The following MYO1D variants were observed in gnomAD, a reference collection of about 807,000 sequenced individuals.
MYO1D encodes unconventional myosin-Id.
A neutral mutation model predicts 122.0 loss-of-function variants in MYO1D; 83 were observed. The observed-to-expected ratio is 0.68, with a 90% CI of 0.57 to 0.82. The LOEUF is 0.82. Ranked by LOEUF, MYO1D falls within the 40% of genes least tolerant of loss-of-function variation. The pLI, the probability that MYO1D is intolerant of heterozygous loss-of-function variation, is 0.00. For missense variants in MYO1D, 1,157 were observed against 1,269.5 expected (o/e 0.91, Z 1.35); for synonymous variants, 464 against 446.9 (o/e 1.04, Z -0.48).
At chr17:32,734,968 A>T (rs937975164) in intron 14 of MYO1D, 2 of 151,768 alleles carry the variant, frequency 1.3e-5, no homozygotes, top group Non-Finnish European at 2.9e-5. Context: ...AATCCCAGCT[A>T]CTCAGGAGGC....
intron 1 of MYO1D, among the ~76,000 whole-genome samples, chr17:32,793,653 A>G (rs2090381841): frequency 6.6e-6 from 1 of 152,200 alleles, no homozygotes; most frequent in Non-Finnish European, 1.5e-5. Context: ...AACTTGGAAG[A>G]CAGCACTTAA....
intron 16 of MYO1D, among the ~76,000 whole-genome samples, chr17:32,663,058 T>C (rs868235723): frequency 6.6e-6 from 1 of 151,654 alleles, no homozygotes; most frequent in African/African-American, 2.4e-5. Context: ...GCTGGGACTA[T>C]AGGCACCTGC....
At chr17:32,688,920 AG>A (rs998687510) in intron 16 of MYO1D, among the ~76,000 whole-genome samples, 1 of 146,456 alleles carries the variant, frequency 6.8e-6, no homozygotes, top group Non-Finnish European at 1.5e-5. Context: ...TGATTTTTGA[AG>A]TGTGTGTGTG....
intron 21 of MYO1D, among the ~76,000 whole-genome samples, chr17:32,602,065 C>T (rs1179035252): frequency 6.6e-6 from 1 of 152,140 alleles, no homozygotes; most frequent in Non-Finnish European, 1.5e-5. Context: ...CATGCTTTGT[C>T]TTGTTTTGTT....
At chr17:32,860,470 G>A (rs189423255) in intron 1 of MYO1D, among the ~76,000 whole-genome samples, 1 of 152,098 alleles carries the variant, frequency 6.6e-6, no homozygotes, top group Non-Finnish European at 1.5e-5. Context: ...ACATAACATA[G>A]ACTACTAAGA....
At chr17:32,818,610 G>A (rs1042248106) in intron 1 of MYO1D, among the ~76,000 whole-genome samples, 6 of 152,238 alleles carry the variant, frequency 3.9e-5, no homozygotes. Context: ...CTAAGTTTTA[G>A]AGTCCAGTGA....
At chr17:32,562,360 C>CACAATTTCATATCATTATTTAGAT (rs2087133668) in intron 21 of MYO1D, among the ~76,000 whole-genome samples, 1 of 151,936 alleles carries the variant, frequency 6.6e-6, no homozygotes, top group African/African-American at 2.4e-5. Flanking sequence ...TATTTCATTT[C>CACAATTTCATATCATTATTTAGAT]ATTCTTTAAT....
At chr17:32,552,934 G>A (rs1470984770) in intron 21 of MYO1D, among the ~76,000 whole-genome samples, 1 of 152,008 alleles carries the variant, frequency 6.6e-6, no homozygotes, top group Non-Finnish European at 1.5e-5. Flanking sequence ...CCAAAACACA[G>A]GCCTTTAAAG....
intron 21 of MYO1D, among the ~76,000 whole-genome samples, chr17:32,513,832 T>A (rs1909785800): frequency 6.6e-6 from 1 of 151,120 alleles, no homozygotes; most frequent in African/African-American, 2.4e-5. Context: ...TTTCTTTCTT[T>A]CTTTTTTTTT....
intron 20 of MYO1D, among the ~76,000 whole-genome samples, chr17:32,607,074 C>T (rs990311202): frequency 6.6e-6 from 1 of 152,122 alleles, no homozygotes; most frequent in East Asian, 1.9e-4. Flanking sequence ...GCAGGAGAAT[C>T]GTGTGAACCC....
chr17:32,707,097 G>A (rs928544181), intron 16 of MYO1D, among the ~76,000 whole-genome samples: 2 of 151,992 alleles, frequency 1.3e-5, no homozygotes, highest in African/African-American at 2.4e-5. Flanking sequence ...AAGAGTTTAC[G>A]ATTAACAGAG....
intron 7 of MYO1D, among the ~76,000 whole-genome samples, chr17:32,765,632 G>C (rs138623338): frequency 6.6e-6 from 1 of 151,842 alleles, no homozygotes; most frequent in African/African-American, 2.4e-5. Context: ...CTAATTTTTT[G>C]TATTTTTAGT....
chr17:32,760,461 T>G (rs767696288), intron 9 of MYO1D, 21 bp downstream of exon 9: 1 of 1,608,986 alleles, frequency 6.2e-7, no homozygotes, highest in African/African-American at 1.3e-5. Flanking sequence ...AACAAGGTTT[T>G]AAGTATCTTT....
intron 16 of MYO1D, among the ~76,000 whole-genome samples, chr17:32,708,051 T>C (rs1336832097): frequency 1.3e-5 from 2 of 152,216 alleles, no homozygotes; most frequent in Non-Finnish European, 2.9e-5. Flanking sequence ...TAAATTCTAC[T>C]CATCAGTACA....
At chr17:32,569,349 GT>G (rs1257047838) in intron 21 of MYO1D, among the ~76,000 whole-genome samples, 2 of 152,234 alleles carry the variant, frequency 1.3e-5, no homozygotes, top group African/African-American at 4.8e-5. Flanking sequence ...TCGAGGAAGT[GT>G]TTGCAGGTGC....
At chr17:32,521,865 T>C (rs1910150908) in intron 21 of MYO1D, among the ~76,000 whole-genome samples, 1 of 151,970 alleles carries the variant, frequency 6.6e-6, no homozygotes. Context: ...GGGGGAATCA[T>C]GAAGTCAGAA....
chr17:32,638,623 A>G, intron 20 of MYO1D, 99 bp downstream of exon 20: 2 of 702,060 alleles, frequency 2.8e-6, no homozygotes, highest in Non-Finnish European at 4.7e-6. Flanking sequence ...TGGGCATCCT[A>G]AAGCCCCAAA....
chr17:32,718,056 T>C (rs2089468215), intron 15 of MYO1D, among the ~76,000 whole-genome samples: 1 of 152,160 alleles, frequency 6.6e-6, no homozygotes, highest in Admixed American at 6.5e-5. Flanking sequence ...TGTGATGAGA[T>C]CTGGAACAAG....
At chr17:32,804,838 C>T (rs1034354429) in intron 1 of MYO1D, among the ~76,000 whole-genome samples, 3 of 152,072 alleles carry the variant, frequency 2.0e-5, no homozygotes, top group Non-Finnish European at 2.9e-5. Context: ...GATTAGTGGA[C>T]TCATTTTATT....
Sources: gnomAD v4.1 joint callset for allele counts (sites outside exome capture counted in the v4.1 genomes callset) on GRCh38, gnomAD v4.1.1 for gene constraint, MANE v1.5 for transcripts, NCBI Gene and HGNC (gene_info 2026-07-23, HGNC 2026-07-21) for gene names.